The following SLC12A2 variants were observed in gnomAD, a reference collection of about 807,000 sequenced individuals.
SLC12A2 encodes the protein Na-K-2Cl cotransporter 1.
Under a neutral mutation model 136.3 loss-of-function variants are expected in SLC12A2, and 67 were observed. The observed-to-expected ratio is 0.49, with a 90% CI of 0.40 to 0.60. SLC12A2 has a LOEUF of 0.60. Ranked by LOEUF, SLC12A2 falls within the 20% of genes least tolerant of loss-of-function variation. The pLI, the probability that SLC12A2 is intolerant of heterozygous loss-of-function variation, is 0.00. For missense variants in SLC12A2, 1,322 were observed against 1,534.7 expected (o/e 0.86, Z 2.32); for synonymous variants, 619 against 562.9 (o/e 1.10, Z -1.41).
chr5:128,179,356 A>G (rs951037563), intron 22 of SLC12A2, among the ~76,000 whole-genome samples: 3 of 152,064 alleles, frequency 2.0e-5, no homozygotes, highest in African/African-American at 7.2e-5. Context: ...TTGGCATTTT[A>G]TTGTAAGGAA....
chr5:128,181,928 T>TC (rs1357106192), intron 23 of SLC12A2, among the ~76,000 whole-genome samples: 1 of 151,402 alleles, frequency 6.6e-6, no homozygotes, highest in Non-Finnish European at 1.5e-5. Flanking sequence ...TTTCCTATTT[T>TC]CCCCCCACTT....
chr5:128,128,864 A>T (rs1313617875), intron 4 of SLC12A2, among the ~76,000 whole-genome samples: 1 of 151,770 alleles, frequency 6.6e-6, no homozygotes, highest in Non-Finnish European at 1.5e-5. Flanking sequence ...TAGGGCAAAT[A>T]ACTGTTGATT....
intron 9 of SLC12A2, among the ~76,000 whole-genome samples, chr5:128,139,825 G>C (rs1168427386): frequency 6.6e-6 from 1 of 152,154 alleles, no homozygotes; most frequent in Non-Finnish European, 1.5e-5. Context: ...ATTGGATTTG[G>C]TAAGAAAATT....
chr5:128,152,071 A>G (rs961944941), intron 14 of SLC12A2, among the ~76,000 whole-genome samples: 21 of 152,194 alleles, frequency 1.4e-4, no homozygotes, highest in Admixed American at 7.2e-4. Flanking sequence ...TCTGGGCTCA[A>G]TAGAATAGAC....
At chr5:128,110,386 G>A (rs1581069244) in intron 1 of SLC12A2, 3 of 1,015,366 alleles carry the variant, frequency 3.0e-6, no homozygotes, top group East Asian at 2.4e-5. Context: ...CCCTGGGAAA[G>A]CAAAAACTCC....
chr5:128,141,958 T>C lies in SLC12A2; in HGVS notation c.1750T>C (p.Tyr584His). ...FSSCESSPCS[Y>H]GLMNNFQVMS... is the part of the protein sequence containing the mutation. ...ATCTTGTGAAAGCAGTCCTTGTTCC[T>C]ATGGCCTAATGAACAACTTCCAGGT... Residue 584 changes from tyrosine (Y) to histidine (H), a missense_variant, in exon 10 of 27, where the codon TAT becomes CAT. Around this residue, in one of 8 missense-constraint regions of SLC12A2, gnomAD observed 294 missense variants for 436.6 expected, o/e 0.67. Coordinates refer to ENST00000262461, the MANE Select transcript of SLC12A2 (RefSeq NM_001046.3). 1.2e-6 allele frequency: 2 copies of C among 1,613,926 alleles called. No homozygotes were observed. Among genetic ancestry groups the C allele is most frequent in the Non-Finnish European group, 1.7e-6 (2 of 1,179,866 alleles).
At chr5:128,139,038 T>C in intron 9 of SLC12A2, 130 bp downstream of exon 9, 6 of 654,664 alleles carry the variant, frequency 9.2e-6, no homozygotes, top group Non-Finnish European at 1.3e-5. Flanking sequence ...ATGGAGTTGC[T>C]CATTATAATT....
intron 1 of SLC12A2, among the ~76,000 whole-genome samples, chr5:128,097,512 T>A (rs764503493): frequency 6.6e-6 from 1 of 152,090 alleles, no homozygotes; most frequent in African/African-American, 2.4e-5. Flanking sequence ...ATTACCTGTT[T>A]TTTGTTTCTC....
Position 128,148,815 on chromosome 5 carries a change from A to G in SLC12A2, c.1943A>G (p.Asn648Ser). The G allele has an allele frequency of 6.2e-7, 1 of 1,608,976 alleles. No homozygotes were observed. The highest frequency in any genetic ancestry group is 8.5e-7 in the Non-Finnish European group (1 of 1,177,186). Residue 648 changes from asparagine to serine, a missense_variant, in exon 12 of 27, where the codon AAT becomes AGT. Physicochemically the swap from Asn to Ser is conservative, Grantham distance 46. This residue lies in a region of SLC12A2 where 294 missense variants were observed against 436.6 expected (regional missense o/e 0.67). Transcript: ENST00000262461. ...FQMFAKGYGK[N>S]NEPLRGYILT... ...ATGTTTGCTAAAGGTTATGGGAAAAATAATGAACCTCTTCGTGGCTACATC... is the reference window on the plus strand; with the variant it reads ...ATGTTTGCTAAAGGTTATGGGAAAAGTAATGAACCTCTTCGTGGCTACATC...
At chr5:128,093,794 C>CT (rs1760423297) in intron 1 of SLC12A2, among the ~76,000 whole-genome samples, 1 of 152,120 alleles carries the variant, frequency 6.6e-6, no homozygotes, top group South Asian at 2.1e-4. Flanking sequence ...CAGCAATAGC[C>CT]TTGTAACTGG....
chr5:128,131,682 C>A (rs1383770980), intron 5 of SLC12A2, among the ~76,000 whole-genome samples: 1 of 151,040 alleles, frequency 6.6e-6, no homozygotes. Context: ...CCAGCCTGGG[C>A]GACAGAGCAA....
At chr5:128,159,858 TACC>T (rs1461960868) in intron 16 of SLC12A2, among the ~76,000 whole-genome samples, 1 of 152,176 alleles carries the variant, frequency 6.6e-6, no homozygotes, top group East Asian at 1.9e-4. Flanking sequence ...GAACTAGAAA[TACC>T]ATTTGAGCCA....
Position 128,187,003 on chromosome 5 carries a change from T to C in SLC12A2, c.*372T>C, listed in dbSNP as rs555604193. ...CCAAATTTCATCCATATATCCTCTT[T>C]TATAAACTTATAGAATGTCAAACTT... On this transcript the variant is annotated 3_prime_UTR_variant, in exon 27 of 27. Transcript: ENST00000262461. 2 of 167,018 alleles carry C rather than the reference T, an allele frequency of 1.2e-5. No homozygotes were observed. The highest frequency in any genetic ancestry group is 1.7e-4 in the East Asian group (1 of 6,008). The allele number at this position is 167,018 out of a possible 1,614,324, so 10.3% of individuals were successfully genotyped here. A position where few individuals can be genotyped will look rare whatever the true frequency, so the allele number is the denominator to read the frequency against.
At chr5:128,092,089 A>G (rs781254032) in intron 1 of SLC12A2, among the ~76,000 whole-genome samples, 1 of 152,124 alleles carries the variant, frequency 6.6e-6, no homozygotes, top group East Asian at 1.9e-4. Context: ...GAGGACCCTA[A>G]TCATTAGAGA....
intron 1 of SLC12A2, among the ~76,000 whole-genome samples, chr5:128,108,400 G>A (rs575553096): frequency 3.9e-5 from 6 of 152,162 alleles, no homozygotes; most frequent in African/African-American, 9.6e-5. Flanking sequence ...AGTAGAACCA[G>A]CCCAAATGTC....
intron 7 of SLC12A2, among the ~76,000 whole-genome samples, 180 bp downstream of exon 7, chr5:128,135,988 A>T (rs1164562008): frequency 6.6e-6 from 1 of 152,062 alleles, no homozygotes; most frequent in Admixed American, 6.5e-5. Context: ...AATTACTTCT[A>T]TTTACATCTT....
rs1760034693 is a variant in SLC12A2, at chr5:128,084,945, C to A, written c.756+235C>A. 6.6e-6 allele frequency among the ~76,000 whole-genome samples: 1 copy of A among 150,430 alleles called. No individual in the cohort carries two copies. The highest frequency in any genetic ancestry group is 1.5e-5 in the Non-Finnish European group (1 of 67,700). ...ATACCGGAGGGCTGCCTCTAACAAC[C>A]TTCCCCATCCAGTTAGGTATCTCGT... On this transcript the variant is annotated intron_variant, in intron 1 of 26. Coordinates refer to ENST00000262461, the MANE Select transcript of SLC12A2 (RefSeq NM_001046.3). This position sits in a 1 kb window ranked among gnomAD's most constrained non-coding sequence, Gnocchi z 5.6.
intron 6 of SLC12A2, among the ~76,000 whole-genome samples, 157 bp from the exon 7 acceptor site, chr5:128,135,543 G>A (rs986494256): frequency 6.6e-6 from 1 of 151,836 alleles, no homozygotes; most frequent in Non-Finnish European, 1.5e-5. Flanking sequence ...AGGATTTATT[G>A]AGCAGCTGCT....
intron 4 of SLC12A2, among the ~76,000 whole-genome samples, chr5:128,120,519 C>T (rs1161643234): frequency 6.6e-6 from 1 of 151,462 alleles, no homozygotes; most frequent in Non-Finnish European, 1.5e-5. Context: ...CCATGGAATA[C>T]TATGCAGCCA....
Sources: allele counts gnomAD v4.1 joint callset (sites outside exome capture counted in the v4.1 genomes callset), GRCh38; gene constraint gnomAD v4.1.1; regional missense constraint gnomAD v4.1.1; non-coding constraint Gnocchi (gnomAD v3.1); transcripts MANE v1.5; gene names NCBI Gene and HGNC (gene_info 2026-07-23, HGNC 2026-07-21).